The following TMEM267 variants were observed in gnomAD, a reference collection of about 807,000 sequenced individuals.
TMEM267 encodes transmembrane protein 267.
Under a neutral mutation model 19.3 loss-of-function variants are expected in TMEM267, and 20 were observed. That is an observed-to-expected ratio of 1.04 (90% CI 0.73 to 1.51). The LOEUF (loss-of-function observed/expected upper bound fraction) is 1.51, where lower values mean the gene tolerates loss of function less well. TMEM267 is among the 40% of genes most tolerant of loss of function. The pLI is 0.00. For synonymous variants in TMEM267, 88 were observed against 90.3 expected, an observed-to-expected ratio of 0.97 and a Z score of 0.15; for missense variants, 242 against 261.9, an observed-to-expected ratio of 0.92 and a Z score of 0.52.
At chr5:43,451,001 AT>A (rs142207810) in intron 2 of TMEM267, among the ~76,000 whole-genome samples, 1 of 150,794 alleles carries the variant, frequency 6.6e-6, no homozygotes, top group Non-Finnish European at 1.5e-5. Context: ...TGCCCGGCTA[AT>A]TTTTTTTTGT....
chr5:43,448,180 C>A (rs1183073967), intron 2 of TMEM267, among the ~76,000 whole-genome samples: 1 of 152,186 alleles, frequency 6.6e-6, no homozygotes, highest in Admixed American at 6.5e-5. Context: ...TTACCTCTCA[C>A]CTACGGTCTG....
chr5:43,451,552 C>A (rs1275622349), intron 2 of TMEM267, among the ~76,000 whole-genome samples: 1 of 152,084 alleles, frequency 6.6e-6, no homozygotes, highest in Non-Finnish European at 1.5e-5. Flanking sequence ...CAATGAGATG[C>A]CATCACACAC....
intron 1 of TMEM267, among the ~76,000 whole-genome samples, chr5:43,482,033 G>A (rs2112232562): frequency 1.3e-5 from 2 of 152,232 alleles, no homozygotes; most frequent in South Asian, 4.1e-4. Context: ...TAGCAGAGAC[G>A]GGGTTTCACC....
At chr5:43,473,139 CAAAAAAAA>C (rs71610311) in intron 1 of TMEM267, among the ~76,000 whole-genome samples, 3 of 84,510 alleles carry the variant, frequency 3.5e-5, no homozygotes, top group East Asian at 4.9e-4. Context: ...CTCCGTGTCA[CAAAAAAAA>C]AAAAAAAAAA....
intron 1 of TMEM267, among the ~76,000 whole-genome samples, chr5:43,461,073 C>A (rs1743229016): frequency 2.0e-5 from 3 of 152,058 alleles, no homozygotes; most frequent in Admixed American, 2.0e-4. Flanking sequence ...CTTCTTTTTG[C>A]TTGAGGAGAA....
chr5:43,463,978 T>C (rs1579808166), intron 1 of TMEM267, among the ~76,000 whole-genome samples: 1 of 152,106 alleles, frequency 6.6e-6, no homozygotes, highest in South Asian at 2.1e-4. Flanking sequence ...GAGAAGGAAA[T>C]AAAGGGTATT....
At chr5:43,470,661 T>C (rs1389027114) in intron 1 of TMEM267, among the ~76,000 whole-genome samples, 1 of 152,192 alleles carries the variant, frequency 6.6e-6, no homozygotes, top group Non-Finnish European at 1.5e-5. Context: ...TTGAAAGCTT[T>C]TCCTCTAAGA....
chr5:43,452,964 C>A (rs1043491352), intron 2 of TMEM267, among the ~76,000 whole-genome samples: 1 of 152,118 alleles, frequency 6.6e-6, no homozygotes, highest in Non-Finnish European at 1.5e-5. Context: ...ATCATAAGCA[C>A]GTAAAATATA....
intron 1 of TMEM267, among the ~76,000 whole-genome samples, chr5:43,454,264 G>A (rs1419801458): frequency 7.0e-6 from 1 of 142,174 alleles, no homozygotes; most frequent in African/African-American, 2.7e-5. Flanking sequence ...GTATCAAGGA[G>A]AATTTCAGAA....
intron 1 of TMEM267, among the ~76,000 whole-genome samples, chr5:43,467,793 C>T (rs1743827604): frequency 1.3e-5 from 2 of 152,138 alleles, no homozygotes. Flanking sequence ...CATCCCTTTG[C>T]TCACAGAGAT....
chr5:43,482,758 C>G (rs765518554), intron 1 of TMEM267, among the ~76,000 whole-genome samples: 1 of 152,186 alleles, frequency 6.6e-6, no homozygotes, highest in Non-Finnish European at 1.5e-5. Context: ...CCCCTTATAG[C>G]AAATACCACT....
At chr5:43,473,139 CAAAAA>C (rs71610311) in intron 1 of TMEM267, among the ~76,000 whole-genome samples, 14 of 84,506 alleles carry the variant, frequency 1.7e-4, no homozygotes, top group Middle Eastern at 8.5e-3. Flanking sequence ...CTCCGTGTCA[CAAAAA>C]AAAAAAAAAA....
rs186712259 is a variant in TMEM267 at position 43,465,058 on chromosome 5, C to T, written c.-74-11015G>A. Among the ~76,000 whole-genome samples, 1,293 of 152,294 alleles carry T rather than the reference C, an allele frequency of 8.5e-3. 21 individuals carry two copies. Among genetic ancestry groups the T allele is most frequent in the African/African-American group, 0.03 (1,235 of 41,552 alleles). ...GAGAAAATTTTTGCAATCTACTCAT[C>T]TGACAAAGGGCTAATATCCAGAATC... On this transcript the variant is annotated intron_variant, in intron 1 of 2. Transcript: ENST00000397080.
intron 1 of TMEM267, among the ~76,000 whole-genome samples, chr5:43,462,504 G>A (rs1264066481): frequency 6.6e-6 from 1 of 152,090 alleles, no homozygotes; most frequent in East Asian, 1.9e-4. Flanking sequence ...ATTTAAAATA[G>A]CTGTGTTGAG....
At chr5:43,449,728 C>G (rs770893610) in intron 2 of TMEM267, among the ~76,000 whole-genome samples, 56 of 152,142 alleles carry the variant, frequency 3.7e-4, no homozygotes, top group Admixed American at 1.3e-4. Context: ...AAATATAAAT[C>G]ATAGAACTGA....
chr5:43,477,298 C>A (rs1390731715), intron 1 of TMEM267, among the ~76,000 whole-genome samples: 3 of 151,514 alleles, frequency 2.0e-5, no homozygotes. Flanking sequence ...TAAAATGACA[C>A]CAGACACAGG....
intron 1 of TMEM267, among the ~76,000 whole-genome samples, chr5:43,467,146 C>CAAAAAAA (rs70994698): frequency 4.1e-5 from 2 of 48,994 alleles, no homozygotes; most frequent in African/African-American, 6.9e-5. Flanking sequence ...GAGACTCTGT[C>CAAAAAAA]AAAAAAAAAA....
intron 1 of TMEM267, chr5:43,479,929 G>C (rs1321852911): frequency 2.4e-6 from 1 of 422,412 alleles, no homozygotes; most frequent in African/African-American, 2.1e-5. Context: ...TAAACCTCAG[G>C]ATTTACAGTG....
rs3822424 is a variant in TMEM267 at position 43,453,446 on chromosome 5, T to C, written c.312+212A>G. 1.8e-3 allele frequency among the ~76,000 whole-genome samples: 273 copies of C among 152,354 alleles called. 6 individuals carry two copies. The East Asian group carries it at 0.045, about 25-fold the overall frequency. ...GTACAGTTCGTGGGTCTTTGCTCTA[T>C]GTGAATCCATAGCAGTTTGTGATGG... On this transcript the variant is annotated intron_variant, in intron 2 of 2. Coordinates refer to ENST00000397080, the MANE Select transcript of TMEM267 (RefSeq NM_022483.5).
Sources: gnomAD v4.1 joint callset for allele counts (sites outside exome capture counted in the v4.1 genomes callset) on GRCh38, gnomAD v4.1.1 for gene constraint, MANE v1.5 for transcripts, NCBI Gene and HGNC (gene_info 2026-07-23, HGNC 2026-07-21) for gene names.